The following RPL39L variants were observed in gnomAD, a reference collection of about 807,000 sequenced individuals.
The protein encoded by RPL39L is ribosomal protein eL39-like 2.
For synonymous variants in RPL39L, 16 were observed against 20.1 expected, an observed-to-expected ratio of 0.80 and a Z score of 0.55; for missense variants, 48 against 58.9, an observed-to-expected ratio of 0.81 and a Z score of 0.61.
chr3:187,125,384 G>T (rs1389102065), intron 2 of RPL39L, among the ~76,000 whole-genome samples: 1 of 152,112 alleles, frequency 6.6e-6, no homozygotes, highest in Non-Finnish European at 1.5e-5. Flanking sequence ...TTGGAGGTTG[G>T]CCATAACTTG....
chr3:187,132,033 G>A (rs573833057), intron 1 of RPL39L, among the ~76,000 whole-genome samples: 3 of 152,048 alleles, frequency 2.0e-5, no homozygotes, highest in Non-Finnish European at 2.9e-5. Context: ...TAACGCTTTC[G>A]TCGTCACACC....
intron 1 of RPL39L, among the ~76,000 whole-genome samples, chr3:187,137,198 C>CA (rs33967617): frequency 0.29 from 10,935 of 37,612 alleles, 2,813 homozygotes; most frequent in Non-Finnish European, 0.38. Context: ...CACTCTTCCT[C>CA]AAAAAAAAAA....
chr3:187,137,733 C>T (rs574635566), intron 1 of RPL39L, among the ~76,000 whole-genome samples: 3 of 150,502 alleles, frequency 2.0e-5, no homozygotes, highest in Non-Finnish European at 4.4e-5. Context: ...GAGGCTGAGA[C>T]GGGAGAATCA....
chr3:187,133,006 G>T (rs1273724073), intron 1 of RPL39L, among the ~76,000 whole-genome samples: 1 of 152,182 alleles, frequency 6.6e-6, no homozygotes, highest in East Asian at 1.9e-4. Flanking sequence ...AGCTAAAATT[G>T]TTAATGAACT....
rs1025594691 is a variant in RPL39L at position 187,122,386 on chromosome 3, G to T, written c.-28-1058C>A. Reference sequence around the variant, plus strand: ...ACAGTATGGATCTGTCATGACAAAGGCATTTTTTTTTAACTCTAAGATAAT... The same window carrying T: ...ACAGTATGGATCTGTCATGACAAAGTCATTTTTTTTTAACTCTAAGATAAT... On this transcript the variant is annotated intron_variant, in intron 2 of 2. Coordinates refer to ENST00000296277, the MANE Select transcript of RPL39L (RefSeq NM_052969.3). 2.7e-3 allele frequency among the ~76,000 whole-genome samples: 105 copies of T among 38,876 alleles called. 1 individual carries two copies. Among genetic ancestry groups the T allele is most frequent in the African/African-American group, 4.6e-3 (15 of 3,272 alleles). The allele number at this position is 38,876 out of a possible 152,430, so 25.5% of individuals were successfully genotyped here. A position where few individuals can be genotyped will look rare whatever the true frequency, so the allele number is the denominator to read the frequency against.
intron 1 of RPL39L, among the ~76,000 whole-genome samples, chr3:187,137,003 C>A (rs1172799885): frequency 6.6e-6 from 1 of 151,022 alleles, no homozygotes; most frequent in African/African-American, 2.4e-5. Context: ...AGTTTGAGAT[C>A]AGCCCGAGTA....
intron 2 of RPL39L, among the ~76,000 whole-genome samples, chr3:187,127,636 C>T (rs1720421191): frequency 6.6e-6 from 1 of 152,188 alleles, no homozygotes; most frequent in South Asian, 2.1e-4. Context: ...AGTTCAAATG[C>T]CATGGCGTAA....
chr3:187,139,084 C>CAAACAAACA (rs1339138917), intron 1 of RPL39L, 129 bp downstream of exon 1: 1 of 159,910 alleles, frequency 6.3e-6, no homozygotes, highest in East Asian at 1.8e-4. Flanking sequence ...AACAAACAAA[C>CAAACAAACA]AAAAACGCTA....
At chr3:187,130,075 C>T (rs1340386958) in intron 1 of RPL39L, among the ~76,000 whole-genome samples, 1 of 152,148 alleles carries the variant, frequency 6.6e-6, no homozygotes, top group Non-Finnish European at 1.5e-5. Flanking sequence ...CTCAAAGCAT[C>T]CTACTCCTTC....
At chr3:187,138,572 CACTT>C in intron 1 of RPL39L, among the ~76,000 whole-genome samples, 1 of 152,336 alleles carries the variant, frequency 6.6e-6, no homozygotes, top group South Asian at 2.1e-4. Flanking sequence ...ATAGGTAAGA[CACTT>C]GGTTTTGCTG....
chr3:187,138,029 G>A (rs62292652), intron 1 of RPL39L, among the ~76,000 whole-genome samples: 1 of 152,128 alleles, frequency 6.6e-6, no homozygotes, highest in Non-Finnish European at 1.5e-5. Context: ...GGCGTGGAGG[G>A]TGACTATTGG....
chr3:187,121,536 C>T (rs1196731744), intron 2 of RPL39L, among the ~76,000 whole-genome samples: 1 of 152,186 alleles, frequency 6.6e-6, no homozygotes. Flanking sequence ...GGATCAGCAG[C>T]AAAGGCAGGA....
At chr3:187,132,827 C>T (rs1476330857) in intron 1 of RPL39L, among the ~76,000 whole-genome samples, 1 of 152,190 alleles carries the variant, frequency 6.6e-6, no homozygotes, top group Non-Finnish European at 1.5e-5. Flanking sequence ...GTCCCATATC[C>T]TGGGAAATTC....
intron 2 of RPL39L, among the ~76,000 whole-genome samples, chr3:187,124,515 C>A (rs1720366156): frequency 6.6e-6 from 1 of 152,122 alleles, no homozygotes; most frequent in South Asian, 2.1e-4. Flanking sequence ...GATGATATAT[C>A]CCTAAACCCC....
chr3:187,130,821 T>G (rs1395329038), intron 1 of RPL39L, among the ~76,000 whole-genome samples: 1 of 152,216 alleles, frequency 6.6e-6, no homozygotes, highest in African/African-American at 2.4e-5. Context: ...CTGAAAGTAC[T>G]CAAGTATTTT....
chr3:187,124,630 A>G (rs1720367903), intron 2 of RPL39L, among the ~76,000 whole-genome samples: 1 of 152,192 alleles, frequency 6.6e-6, no homozygotes, highest in Non-Finnish European at 1.5e-5. Context: ...CAAGGTGCTC[A>G]TAAGGGTCCC....
At chr3:187,138,612 A>C (rs1419006771) in intron 1 of RPL39L, among the ~76,000 whole-genome samples, 1 of 152,170 alleles carries the variant, frequency 6.6e-6, no homozygotes, top group African/African-American at 2.4e-5. Context: ...AATCAGTGCC[A>C]CTCACATCCT....
intron 1 of RPL39L, among the ~76,000 whole-genome samples, chr3:187,136,862 C>G (rs1055588506): frequency 6.6e-6 from 1 of 151,764 alleles, no homozygotes; most frequent in African/African-American, 2.4e-5. Flanking sequence ...TTTAAAATAC[C>G]ATTTAAGCAT....
chr3:187,122,767 C>A (rs1311207844), intron 2 of RPL39L, among the ~76,000 whole-genome samples: 1 of 152,080 alleles, frequency 6.6e-6, no homozygotes, highest in Non-Finnish European at 1.5e-5. Context: ...TAGCTGAGCA[C>A]ATGATGCCCC....
Sources: allele counts gnomAD v4.1 joint callset (sites outside exome capture counted in the v4.1 genomes callset), GRCh38; gene constraint gnomAD v4.1.1; transcripts MANE v1.5; gene names NCBI Gene and HGNC (gene_info 2026-07-23, HGNC 2026-07-21).